Variants in RBFOX3 observed in about 807,000 individuals in gnomAD.
RBFOX3 encodes the protein RNA binding fox-1 homolog 3, also known as RNA binding protein fox-1 homolog 3.
RBFOX3 carries 17 observed loss-of-function variants against 48.7 expected under a neutral mutation model. The observed-to-expected ratio is 0.35, with a 90% confidence interval of 0.24 to 0.52. The LOEUF (loss-of-function observed/expected upper bound fraction) is 0.52, where lower values mean the gene tolerates loss of function less well. RBFOX3 is among the 20% of genes least tolerant of loss of function. The pLI is 0.94. For missense variants in RBFOX3, 382 were observed against 497.5 expected, an observed-to-expected ratio of 0.77 and a Z score of 2.21; for synonymous variants, 212 against 209.5, an observed-to-expected ratio of 1.01 and a Z score of -0.10.
intron 4 of RBFOX3, among the ~76,000 whole-genome samples, chr17:79,143,042 C>T (rs2144331678): frequency 6.6e-6 from 1 of 152,292 alleles, no homozygotes; most frequent in Non-Finnish European, 1.5e-5. Flanking sequence ...ATGCTGGTCC[C>T]TGCACATCTG....
Position 79,443,406 on chromosome 17 carries a change from C to T in RBFOX3, c.-175+39048G>A, listed in dbSNP as rs1481655842. On this transcript the variant is annotated intron_variant, in intron 2 of 14. Transcript: ENST00000693108. This position sits in a 1 kb window ranked among gnomAD's most constrained non-coding sequence, Gnocchi z 4.4. ...TGCCTCTTTTTTTTTTCTTTTGAGA[C>T]AGTCTTGCTCTGTCGCCCAGGCTGG... Among the ~76,000 whole-genome samples the T allele has an allele frequency of 6.6e-6, 1 of 151,880 alleles. No homozygotes were observed. Among genetic ancestry groups the T allele is most frequent in the African/African-American group, 2.4e-5 (1 of 41,354 alleles).
At chr17:79,136,327 AC>A (rs2040186514) in intron 4 of RBFOX3, 1 of 152,238 alleles carries the variant, frequency 6.6e-6, no homozygotes, top group East Asian at 1.9e-4. Flanking sequence ...GGCCAGTTGC[AC>A]CCCTATGTAA....
chr17:79,160,340 G>A (rs1048951367), intron 4 of RBFOX3, among the ~76,000 whole-genome samples: 3 of 152,260 alleles, frequency 2.0e-5, no homozygotes, highest in African/African-American at 7.2e-5. Flanking sequence ...GCGTGTGAGC[G>A]TGCAGCAGAC....
intron 2 of RBFOX3, among the ~76,000 whole-genome samples, chr17:79,455,657 A>G (rs2074348545): frequency 6.6e-6 from 1 of 152,124 alleles, no homozygotes; most frequent in Non-Finnish European, 1.5e-5. Flanking sequence ...ACACACATTC[A>G]TTCACACACA....
At chr17:79,531,079 T>G (rs1425479042) in intron 1 of RBFOX3, among the ~76,000 whole-genome samples, 1 of 152,236 alleles carries the variant, frequency 6.6e-6, no homozygotes, top group Non-Finnish European at 1.5e-5. Flanking sequence ...CCGCCAGGAC[T>G]TAGCAATCGT....
At chr17:79,156,445 C>A (rs1053998244) in intron 4 of RBFOX3, among the ~76,000 whole-genome samples, 1 of 152,140 alleles carries the variant, frequency 6.6e-6, no homozygotes, top group African/African-American at 2.4e-5. Context: ...ACTGCGGGGG[C>A]AGGGGAGAAC....
chr17:79,271,559 G>C (rs2067708886), intron 3 of RBFOX3, among the ~76,000 whole-genome samples: 1 of 152,178 alleles, frequency 6.6e-6, no homozygotes, highest in Non-Finnish European at 1.5e-5. Flanking sequence ...GCATGCTGGA[G>C]CCCTCTCTCT....
intron 4 of RBFOX3, among the ~76,000 whole-genome samples, chr17:79,209,220 G>C (rs915506694): frequency 1.5e-4 from 23 of 152,214 alleles, no homozygotes; most frequent in Non-Finnish European, 2.9e-4. Flanking sequence ...TCCTGCACAA[G>C]GCCTTCTGTG....
chr17:79,335,759 C>T (rs1381856362), intron 2 of RBFOX3, among the ~76,000 whole-genome samples: 1 of 152,206 alleles, frequency 6.6e-6, no homozygotes, highest in Non-Finnish European at 1.5e-5. Flanking sequence ...GCCCCACTTG[C>T]TCCCGTCCTC....
rs374014104 is a variant in RBFOX3, at chr17:79,325,887, A to G, written c.-174-18063T>C. ...CAGAAAAAGGAGCCTCCTAGGAAAA[A>G]CCCACCCGGGAGCTGTCCGGTGCTG... On this transcript the variant is annotated intron_variant, in intron 2 of 14. Coordinates refer to ENST00000693108, the MANE Select transcript of RBFOX3 (RefSeq NM_001350451.2). Among the ~76,000 whole-genome samples, 239 of 152,050 alleles carry G rather than the reference A, an allele frequency of 1.6e-3. 1 individual carries two copies. The highest frequency in any genetic ancestry group is 4.9e-3 in the African/African-American group (203 of 41,468).
At chr17:79,323,218 A>G (rs1255103245) in intron 2 of RBFOX3, among the ~76,000 whole-genome samples, 1 of 152,232 alleles carries the variant, frequency 6.6e-6, no homozygotes, top group Non-Finnish European at 1.5e-5. Context: ...ACTGGCATGC[A>G]ACAGGAGCAG....
At chr17:79,598,846 T>C (rs2093635049) in intron 1 of RBFOX3, 2 of 152,186 alleles carry the variant, frequency 1.3e-5, no homozygotes, top group Non-Finnish European at 2.9e-5. Context: ...GGGTACCGTA[T>C]GGAAGGCAGC....
intron 1 of RBFOX3, among the ~76,000 whole-genome samples, chr17:79,590,494 T>C (rs1224445821): frequency 2.0e-5 from 3 of 152,198 alleles, no homozygotes; most frequent in African/African-American, 7.2e-5. Flanking sequence ...TGTTATTTCC[T>C]TCCCAGCCCC....
chr17:79,146,097 G>C (rs891311739), intron 4 of RBFOX3, among the ~76,000 whole-genome samples: 1 of 152,174 alleles, frequency 6.6e-6, no homozygotes, highest in South Asian at 2.1e-4. Flanking sequence ...TGGAGCTCAG[G>C]TGGTCACGGC....
upstream of RBFOX3, among the ~76,000 whole-genome samples, chr17:79,612,860 T>A (rs1421905268): frequency 2.6e-5 from 4 of 152,212 alleles, no homozygotes; most frequent in Non-Finnish European, 5.9e-5. Context: ...CAGGCAGGGC[T>A]CTTGCCTCGC....
chr17:79,589,022 A>G (rs1181510963), intron 1 of RBFOX3, among the ~76,000 whole-genome samples: 1 of 151,320 alleles, frequency 6.6e-6, no homozygotes, highest in Non-Finnish European at 1.5e-5. Context: ...ATATAGTGAG[A>G]CCCCGTCCTG....
intron 4 of RBFOX3, among the ~76,000 whole-genome samples, chr17:79,127,856 C>T (rs1248379298): frequency 6.6e-6 from 1 of 152,216 alleles, no homozygotes; most frequent in Non-Finnish European, 1.5e-5. Context: ...TCTCAGAGAA[C>T]ATTCTGTCCA....
At chr17:79,176,940 GAA>G (rs1426811877) in intron 4 of RBFOX3, among the ~76,000 whole-genome samples, 9 of 152,234 alleles carry the variant, frequency 5.9e-5, no homozygotes, top group Admixed American at 5.2e-4. Flanking sequence ...GAAGCCAAGA[GAA>G]GAGACAGACG....
At chr17:79,165,563 G>A (rs1675262) in intron 4 of RBFOX3, among the ~76,000 whole-genome samples, 103,852 of 152,140 alleles carry the variant, frequency 0.68, 40,138 homozygotes, top group Non-Finnish European at 0.86. Context: ...GGGAGGTGAC[G>A]GGATGAACTT....
Sources: allele counts gnomAD v4.1 joint callset (sites outside exome capture counted in the v4.1 genomes callset), GRCh38; gene constraint gnomAD v4.1.1; non-coding constraint Gnocchi (gnomAD v3.1); transcripts MANE v1.5; gene names NCBI Gene and HGNC (gene_info 2026-07-23, HGNC 2026-07-21).